Variants in RIMS1 observed in about 807,000 individuals in gnomAD.
RIMS1 encodes regulating synaptic membrane exocytosis 1.
In RIMS1, 83 loss-of-function variants were observed where a neutral mutation model predicts 214.1. That is an observed-to-expected ratio of 0.39 (90% CI 0.32 to 0.47). The LOEUF (loss-of-function observed/expected upper bound fraction) is 0.47. RIMS1 is among the 20% of genes least tolerant of loss of function. The pLI is 0.99. For synonymous variants in RIMS1, 793 were observed against 786.8 expected (o/e 1.01, Z -0.13); for missense variants, 2,050 against 2,161.8 (o/e 0.95, Z 1.03).
chr6:72,345,863 G>C (rs937996998), intron 29 of RIMS1, among the ~76,000 whole-genome samples: 1 of 151,702 alleles, frequency 6.6e-6, no homozygotes, highest in African/African-American at 2.4e-5. Flanking sequence ...TAAGAGGGTG[G>C]TTGTTGGGAA....
intron 6 of RIMS1, among the ~76,000 whole-genome samples, chr6:72,188,974 T>G (rs558557487): frequency 1.3e-5 from 2 of 152,328 alleles, no homozygotes; most frequent in South Asian, 4.1e-4. Context: ...AACTTACAGT[T>G]TAATGGAATC....
At chr6:72,259,523 A>G (rs1590965614) in intron 18 of RIMS1, among the ~76,000 whole-genome samples, 1 of 152,142 alleles carries the variant, frequency 6.6e-6, no homozygotes, top group Non-Finnish European at 1.5e-5. Context: ...ATGCCATTTG[A>G]AAGTTAATTG....
chr6:72,262,757 CTTA>C (rs1326619343), intron 19 of RIMS1: 3 of 733,376 alleles, frequency 4.1e-6, no homozygotes, highest in East Asian at 2.7e-4. Context: ...ACTATGGACA[CTTA>C]TTATTTCTAT....
intron 1 of RIMS1, among the ~76,000 whole-genome samples, chr6:71,921,543 T>G (rs1779986481): frequency 2.0e-5 from 3 of 152,254 alleles, no homozygotes; most frequent in Admixed American, 6.5e-5. Context: ...CAGACTTGAT[T>G]TGGCCTCTTG....
intron 2 of RIMS1, among the ~76,000 whole-genome samples, chr6:72,089,081 G>C (rs1271941769): frequency 3.3e-5 from 5 of 151,998 alleles, no homozygotes; most frequent in Non-Finnish European, 1.5e-5. Context: ...ATAGATTAGA[G>C]GATTGTAGCT....
At chr6:72,240,630 CT>C (rs11344285) in intron 9 of RIMS1, among the ~76,000 whole-genome samples, 49,300 of 83,034 alleles carry the variant, frequency 0.59, 13,309 homozygotes, top group East Asian at 0.83. Flanking sequence ...TTTCTTTTTT[CT>C]TTTTTTTTTT....
chr6:72,020,274 A>G (rs1332748665), intron 2 of RIMS1, among the ~76,000 whole-genome samples: 2 of 152,224 alleles, frequency 1.3e-5, no homozygotes, highest in African/African-American at 4.8e-5. Context: ...ACTGGAGATA[A>G]TAAGGTGTCT....
In RIMS1 at chr6:71,945,108, CAG is replaced by C. The variant is rs1286325227; in HGVS notation, c.165-23872_165-23871del. On this transcript the variant is annotated intron_variant, in intron 1 of 33. Coordinates refer to ENST00000521978, the MANE Select transcript of RIMS1 (RefSeq NM_014989.7). ...GGCATGGAAAAAGTGGTAATTTGGA[CAG>C]AGTTTAATAAAAAGACTAGCTACAA... Among the ~76,000 whole-genome samples, 7 of 152,178 alleles carry C rather than the reference CAG, an allele frequency of 4.6e-5. No individual in the cohort carries two copies. The East Asian group carries it at 1.4e-3, about 29-fold the overall frequency.
At chr6:72,160,136 T>G (rs2045133277) in intron 4 of RIMS1, among the ~76,000 whole-genome samples, 1 of 133,676 alleles carries the variant, frequency 7.5e-6, no homozygotes, top group African/African-American at 2.5e-5. Context: ...TATTTTATTC[T>G]CTTTGAAGGA....
At chr6:72,068,499 G>C (rs1829842480) in intron 2 of RIMS1, among the ~76,000 whole-genome samples, 2 of 152,300 alleles carry the variant, frequency 1.3e-5, no homozygotes, top group South Asian at 4.1e-4. Context: ...ATAAAGCTGG[G>C]AGAAGTGGAG....
intron 4 of RIMS1, among the ~76,000 whole-genome samples, chr6:72,130,703 G>C (rs184945523): frequency 1.3e-5 from 2 of 152,216 alleles, no homozygotes; most frequent in Admixed American, 1.3e-4. Flanking sequence ...ATATATGATA[G>C]ACATTTGTGT....
chr6:72,078,659 G>A (rs1171490014), intron 2 of RIMS1, among the ~76,000 whole-genome samples: 1 of 151,842 alleles, frequency 6.6e-6, no homozygotes, highest in East Asian at 1.9e-4. Flanking sequence ...CTAGACTTAG[G>A]AGAAGCAAAA....
chr6:72,161,643 G>T lies in RIMS1; in HGVS notation c.472-17932G>T, dbSNP rs1266611959. Among the ~76,000 whole-genome samples the T allele has an allele frequency of 2.9e-5, 4 of 139,220 alleles. 1 individual carries two copies. The highest frequency in any genetic ancestry group is 1.5e-4 in the Admixed American group (2 of 13,510). 91.3% of individuals were successfully genotyped at this position (139,220 alleles called of 152,430 possible). ...TTTATTTCTGCCTTCATTTCGTTAT[G>T]TCCCCAGTAGTCATTCAGGAGGAGG... On this transcript the variant is annotated intron_variant, in intron 4 of 33. Coordinates refer to ENST00000521978, the MANE Select transcript of RIMS1 (RefSeq NM_014989.7).
At chr6:72,044,377 A>C (rs1822355450) in intron 2 of RIMS1, among the ~76,000 whole-genome samples, 2 of 152,040 alleles carry the variant, frequency 1.3e-5, no homozygotes, top group African/African-American at 4.8e-5. Context: ...AAAGGAAAAA[A>C]TTGATAAATT....
At chr6:72,340,525 C>T (rs1279487038) in intron 29 of RIMS1, among the ~76,000 whole-genome samples, 1 of 152,036 alleles carries the variant, frequency 6.6e-6, no homozygotes, top group Admixed American at 6.6e-5. Context: ...TTCCCAGCAC[C>T]ATTTATTAAA....
chr6:72,306,033 G>A (rs540957173), intron 26 of RIMS1, among the ~76,000 whole-genome samples: 6 of 152,046 alleles, frequency 3.9e-5, no homozygotes, highest in South Asian at 2.1e-4. Flanking sequence ...GTGTGTTGGC[G>A]TTTTATAATC....
intron 2 of RIMS1, among the ~76,000 whole-genome samples, chr6:72,008,419 C>T (rs543366126): frequency 4.0e-4 from 61 of 152,246 alleles, no homozygotes; most frequent in Middle Eastern, 3.4e-3. Context: ...CATCAACTAA[C>T]GAGCAAAATA....
intron 29 of RIMS1, among the ~76,000 whole-genome samples, chr6:72,371,326 T>C (rs2098213858): frequency 6.6e-6 from 1 of 152,150 alleles, no homozygotes; most frequent in Admixed American, 6.5e-5. Context: ...TTGAAAAAAA[T>C]TCGTGGATTA....
chr6:72,398,386 T>G lies in RIMS1; in HGVS notation c.4720+36T>G, dbSNP rs752656730. On this transcript the variant is annotated intron_variant, in intron 32 of 33. Transcript: ENST00000521978. The stretch of plus-strand genomic sequence containing the variant: ...GTATTCCTGAATTTGGTGAAGGGAC[T>G]ATTTAATAGGCAAACAAATAAAAAC... 1.9e-5 allele frequency: 23 copies of G among 1,227,564 alleles called. 1 individual carries two copies. Among genetic ancestry groups the G allele is most frequent in the Non-Finnish European group, 2.7e-5 (23 of 859,172 alleles). The allele number at this position is 1,227,564 out of a possible 1,614,324, so 76.0% of individuals were successfully genotyped here.
Sources: gnomAD v4.1 joint callset for allele counts (sites outside exome capture counted in the v4.1 genomes callset) on GRCh38, gnomAD v4.1.1 for gene constraint, MANE v1.5 for transcripts, NCBI Gene and HGNC (gene_info 2026-07-23, HGNC 2026-07-21) for gene names.